PPP1R21: variants seen among roughly 807,000 people sequenced by gnomAD.
The protein encoded by PPP1R21 is KLRAQ motif containing 1.
In PPP1R21, 85 loss-of-function variants were observed where a neutral mutation model predicts 112.8. The observed-to-expected ratio is 0.75, with a 90% CI of 0.63 to 0.90. PPP1R21 has a LOEUF of 0.90. Ranked by LOEUF, PPP1R21 falls within the 40% of genes least tolerant of loss-of-function variation. The pLI is 0.00. For missense variants in PPP1R21, 1,199 were observed against 901.5 expected (o/e 1.33, Z -4.23); for synonymous variants, 381 against 322.3 (o/e 1.18, Z -1.95).
Position 48,469,504 on chromosome 2 carries a change from TAGAGC to T in PPP1R21, c.898-1581_898-1577del, listed in dbSNP as rs1398194267. 1.4e-3 allele frequency among the ~76,000 whole-genome samples: 59 copies of T among 40,780 alleles called. 5 individuals carry two copies. Among genetic ancestry groups the T allele is most frequent in the African/African-American group, 4.6e-3 (34 of 7,330 alleles). 26.8% of individuals were successfully genotyped at this position (40,780 alleles called of 152,430 possible). A position where few individuals can be genotyped will look rare whatever the true frequency, so the allele number is the denominator to read the frequency against. On this transcript the variant is annotated intron_variant, in intron 9 of 21. Transcript: ENST00000294952. ...TATATAGAGCATATATATATATATA[TAGAGC>T]ATATATATATATATATATATATATA...
intron 4 of PPP1R21, 75 bp downstream of exon 4, chr2:48,458,302 T>C (rs1166964085): frequency 8.7e-6 from 8 of 922,822 alleles, no homozygotes; most frequent in African/African-American, 1.6e-5. Flanking sequence ...CTAATGCACA[T>C]AGAGTGTTTT....
chr2:48,466,550 C>T (rs948402145), intron 9 of PPP1R21, among the ~76,000 whole-genome samples: 2 of 151,952 alleles, frequency 1.3e-5, no homozygotes, highest in Admixed American at 1.3e-4. Flanking sequence ...TAAAAGACCT[C>T]AGTGTGAGCG....
chr2:48,510,623 C>G (rs1188686415), intron 20 of PPP1R21, among the ~76,000 whole-genome samples: 1 of 152,194 alleles, frequency 6.6e-6, no homozygotes, highest in Non-Finnish European at 1.5e-5. Flanking sequence ...GCTTTAGATT[C>G]ATTTATCAGA....
intron 13 of PPP1R21, among the ~76,000 whole-genome samples, chr2:48,483,123 T>G (rs1380053814): frequency 6.6e-6 from 1 of 152,086 alleles, no homozygotes; most frequent in Non-Finnish European, 1.5e-5. Flanking sequence ...ATCTCGTTCC[T>G]TTTTATGGCT....
rs758709933 is a variant in PPP1R21, at chr2:48,511,698, C to CA, written c.2313+245dup. ...GCAATATAGTGATACTTCATCTCTA[C>CA]AAAAAAAAAAAAAAATGAAAAAATA... On this transcript the variant is annotated intron_variant, in intron 21 of 21. Coordinates refer to ENST00000294952, the MANE Select transcript of PPP1R21 (RefSeq NM_001135629.3). Among the ~76,000 whole-genome samples the CA allele has an allele frequency of 9.6e-3, 788 of 81,758 alleles. 6 individuals are homozygous for CA. The highest frequency in any genetic ancestry group is 0.021 in the African/African-American group (469 of 22,134). The allele number at this position is 81,758 out of a possible 152,430, so 53.6% of individuals were successfully genotyped here. A position where few individuals can be genotyped will look rare whatever the true frequency, so the allele number is the denominator to read the frequency against.
intron 3 of PPP1R21, among the ~76,000 whole-genome samples, chr2:48,457,093 T>C (rs537677852): frequency 6.6e-6 from 1 of 151,938 alleles, no homozygotes; most frequent in Admixed American, 6.6e-5. Context: ...TGAAAGACCC[T>C]TGGGGAGAGA....
intron 1 of PPP1R21, among the ~76,000 whole-genome samples, chr2:48,443,570 G>A (rs1161498926): frequency 6.6e-6 from 1 of 152,184 alleles, no homozygotes. Flanking sequence ...ATGCTAAGGA[G>A]ACTGTAGGAG....
intron 17 of PPP1R21, among the ~76,000 whole-genome samples, chr2:48,504,040 C>A (rs957122783): frequency 6.6e-6 from 1 of 151,898 alleles, no homozygotes; most frequent in Non-Finnish European, 1.5e-5. Flanking sequence ...AATCATAACC[C>A]GGGAGTAAGG....
Position 48,455,606 on chromosome 2 carries a change from C to T in PPP1R21, c.273+865C>T, listed in dbSNP as rs567536238. On this transcript the variant is annotated intron_variant, in intron 3 of 21. Coordinates refer to ENST00000294952, the MANE Select transcript of PPP1R21 (RefSeq NM_001135629.3). ...AGTTGGTTTAGTGGCCGAGAAGAGA[C>T]AGTGGAATATCTTATATTAGCTAAA... is the stretch of plus-strand genomic sequence containing the variant. Among the ~76,000 whole-genome samples, 50 of 152,248 alleles carry T rather than the reference C, an allele frequency of 3.3e-4. 1 individual carries two copies. The highest frequency in any genetic ancestry group is 1.2e-3 in the African/African-American group (50 of 41,544).
intron 1 of PPP1R21, among the ~76,000 whole-genome samples, chr2:48,450,296 C>T (rs1667417689): frequency 6.6e-6 from 1 of 152,156 alleles, no homozygotes; most frequent in Non-Finnish European, 1.5e-5. Flanking sequence ...GCCTCAGTTT[C>T]CTCATCTGTA....
chr2:48,441,216 G>C (rs1667014045), intron 1 of PPP1R21: 4 of 602,372 alleles, frequency 6.6e-6, no homozygotes, highest in Admixed American at 3.3e-5. Flanking sequence ...GTCCGTGAGC[G>C]TTTTTGCAGG....
At chr2:48,458,573 C>T (rs1321249693) in intron 4 of PPP1R21, among the ~76,000 whole-genome samples, 1 of 148,402 alleles carries the variant, frequency 6.7e-6, no homozygotes, top group Non-Finnish European at 1.5e-5. Context: ...TTTTCCCTCC[C>T]CCTCCCTTTT....
chr2:48,507,111 G>C (rs1029074484), intron 18 of PPP1R21, 158 bp from the exon 19 acceptor site: 6 of 1,041,772 alleles, frequency 5.8e-6, no homozygotes, highest in Non-Finnish European at 7.7e-6. Flanking sequence ...ACACTTCCCT[G>C]CTATGTCTGA....
chr2:48,488,454 C>T (rs1669411289), intron 14 of PPP1R21, among the ~76,000 whole-genome samples: 1 of 151,734 alleles, frequency 6.6e-6, no homozygotes, highest in Admixed American at 6.6e-5. Context: ...GCAAGCTCCA[C>T]CTCCCAGGTT....
intron 3 of PPP1R21, among the ~76,000 whole-genome samples, chr2:48,455,081 A>G (rs1572834714): frequency 6.7e-6 from 1 of 148,674 alleles, no homozygotes; most frequent in Non-Finnish European, 1.5e-5. Context: ...CAAGCGATCC[A>G]CCTGCCTCGG....
rs1670812779 is a variant in PPP1R21 at position 48,515,062 on chromosome 2, G to A, written c.*318G>A. ...TTCAGTATGTAAGAACAAATATTTT[G>A]TATACTTTCAAACTCAATTATATGG... On this transcript the variant is annotated 3_prime_UTR_variant, in exon 22 of 22. Coordinates refer to ENST00000294952, the MANE Select transcript of PPP1R21 (RefSeq NM_001135629.3). 1 of 299,268 alleles carries A rather than the reference G, an allele frequency of 3.3e-6. No homozygotes were observed. The allele number at this position is 299,268 out of a possible 1,614,324, so 18.5% of individuals were successfully genotyped here.
At chr2:48,467,403 C>T (rs1003700937) in intron 9 of PPP1R21, among the ~76,000 whole-genome samples, 1 of 152,200 alleles carries the variant, frequency 6.6e-6, no homozygotes, top group Non-Finnish European at 1.5e-5. Flanking sequence ...CCCAAAACTT[C>T]ATAGTTTAAA....
At position 48,461,212 on chromosome 2, in the gene PPP1R21, A is replaced by T. The variant is rs1172966472; in HGVS notation, c.674A>T (p.Lys225Ile). 6.3e-7 allele frequency: 1 copy of T among 1,582,754 alleles called. No individual in the cohort carries two copies. The highest frequency in any genetic ancestry group is 8.5e-7 in the Non-Finnish European group (1 of 1,170,088). Residue 225 changes from lysine to isoleucine, a missense_variant, in exon 7 of 22, where the codon AAA becomes ATA. Physicochemically the swap from Lys to Ile is moderately radical, Grantham distance 102. Coordinates refer to ENST00000294952, the MANE Select transcript of PPP1R21 (RefSeq NM_001135629.3). ...GAATCCTTATCAATCATCAATGAAA[A>T]AGTACCTTTTAATGATACAAGTAGG... ...LEESLSIINE[K>I]VPFNDTKYSQ...
rs557319737 is a variant in PPP1R21 at position 48,515,093 on chromosome 2, G to T, written c.*349G>T. ...TTTCAAACTCAATTATATGGTAATC[G>T]ATTTGGTATCTATGGAATAGATATA... On this transcript the variant is annotated 3_prime_UTR_variant, in exon 22 of 22. Coordinates refer to ENST00000294952, the MANE Select transcript of PPP1R21 (RefSeq NM_001135629.3). The T allele has an allele frequency of 3.9e-5, 9 of 230,750 alleles. No individual in the cohort carries two copies. Among genetic ancestry groups the T allele is most frequent in the Non-Finnish European group, 5.8e-5 (7 of 120,320 alleles). The allele number at this position is 230,750 out of a possible 1,614,324, so 14.3% of individuals were successfully genotyped here.
Sources: allele counts gnomAD v4.1 joint callset (sites outside exome capture counted in the v4.1 genomes callset), GRCh38; gene constraint gnomAD v4.1.1; transcripts MANE v1.5; gene names NCBI Gene and HGNC (gene_info 2026-07-23, HGNC 2026-07-21).